Variants in PAN3 observed in about 807,000 individuals in gnomAD.
PAN3 encodes poly(A) specific ribonuclease subunit PAN3.
PAN3 carries 19 observed loss-of-function variants against 96.2 expected under a neutral mutation model. The ratio of observed to expected loss-of-function variants is 0.20; its 90% CI spans 0.14 to 0.29. The LOEUF is 0.29. PAN3 is among the 10% of genes least tolerant of loss of function. PAN3 has a pLI of 1.00. For synonymous variants in PAN3, 433 were observed against 406.6 expected (o/e 1.06, Z -0.78); for missense variants, 882 against 1,108.1 (o/e 0.80, Z 2.90).
intron 13 of PAN3, 46 bp from the exon 14 acceptor site, chr13:28,271,935 A>T (rs1886653006): frequency 1.5e-6 from 2 of 1,353,762 alleles, no homozygotes; most frequent in South Asian, 1.5e-5. Context: ...GCAATTTTTT[A>T]AAAACTTATT....
chr13:28,199,871 T>G (rs562971791), intron 5 of PAN3, among the ~76,000 whole-genome samples: 1 of 152,322 alleles, frequency 6.6e-6, no homozygotes, highest in South Asian at 2.1e-4. Flanking sequence ...TTAGGTCCTC[T>G]CAATCCTAGG....
chr13:28,160,814 CGTTA>C lies in PAN3; in HGVS notation c.431-13454_431-13451del, dbSNP rs553647631. 7.9e-5 allele frequency among the ~76,000 whole-genome samples: 12 copies of C among 152,226 alleles called. No homozygotes were observed. The South Asian group carries it at 2.5e-3, about 32-fold the overall frequency. On this transcript the variant is annotated intron_variant, in intron 1 of 18. Coordinates refer to ENST00000380958, the MANE Select transcript of PAN3 (RefSeq NM_175854.8). The stretch of plus-strand genomic sequence containing the variant: ...GGAAAGTTAAGTACTTGAACTATAT[CGTTA>C]GTTCTTTATGGAATTACCTCACTTT...
chr13:28,252,148 A>C (rs1338668385), intron 6 of PAN3, among the ~76,000 whole-genome samples: 1 of 149,794 alleles, frequency 6.7e-6, no homozygotes, highest in East Asian at 2.0e-4. Context: ...TCAGCCTCCC[A>C]AAGTGCTGGG....
intron 18 of PAN3, among the ~76,000 whole-genome samples, chr13:28,290,871 G>C (rs1869666608): frequency 6.6e-6 from 1 of 152,060 alleles, no homozygotes; most frequent in African/African-American, 2.4e-5. Context: ...CGTAGAACCA[G>C]AACAAACATT....
chr13:28,184,343 A>AT (rs1420829400), intron 4 of PAN3, among the ~76,000 whole-genome samples: 1 of 152,084 alleles, frequency 6.6e-6, no homozygotes, highest in Non-Finnish European at 1.5e-5. Flanking sequence ...GGGAGAGATT[A>AT]TTTTTTCTGT....
chr13:28,281,164 G>A, intron 16 of PAN3, 151 bp from the exon 17 acceptor site: 1 of 656,614 alleles, frequency 1.5e-6, no homozygotes, highest in Non-Finnish European at 2.7e-6. Flanking sequence ...GACATATTGT[G>A]TTTGTTTAAA....
chr13:28,268,985 A>G (rs539738145), intron 12 of PAN3, among the ~76,000 whole-genome samples: 2 of 152,346 alleles, frequency 1.3e-5, no homozygotes, highest in East Asian at 1.9e-4. Context: ...ATAGATGACT[A>G]TAGTTGTTGC....
chr13:28,187,099 G>A (rs1366343789), intron 4 of PAN3, among the ~76,000 whole-genome samples: 2 of 151,976 alleles, frequency 1.3e-5, no homozygotes, highest in Non-Finnish European at 2.9e-5. Flanking sequence ...GGCTGAGGTG[G>A]GTGGATAACT....
intron 6 of PAN3, among the ~76,000 whole-genome samples, chr13:28,227,780 G>T (rs557557925): frequency 1.3e-5 from 2 of 152,160 alleles, no homozygotes; most frequent in Non-Finnish European, 2.9e-5. Flanking sequence ...ATTTTAGAAG[G>T]CATATGGACT....
chr13:28,192,619 G>A (rs138631052), intron 4 of PAN3, among the ~76,000 whole-genome samples: 1 of 152,038 alleles, frequency 6.6e-6, no homozygotes, highest in Non-Finnish European at 1.5e-5. Flanking sequence ...ATTCATACAT[G>A]ATTACTTATG....
chr13:28,182,311 A>G (rs77227138), intron 4 of PAN3, among the ~76,000 whole-genome samples: 2,869 of 152,226 alleles, frequency 0.019, 99 homozygotes, highest in African/African-American at 0.065. Flanking sequence ...TTCTCCTTTT[A>G]TATCTTTCTG....
intron 4 of PAN3, among the ~76,000 whole-genome samples, chr13:28,178,369 G>A (rs1875321533): frequency 6.6e-6 from 1 of 151,646 alleles, no homozygotes; most frequent in Non-Finnish European, 1.5e-5. Context: ...TTTCATAATG[G>A]GCCCAACAAT....
chr13:28,166,044 C>T (rs969141820), intron 1 of PAN3, among the ~76,000 whole-genome samples: 7 of 152,176 alleles, frequency 4.6e-5, no homozygotes, highest in African/African-American at 1.2e-4. Flanking sequence ...AAATCCTTGT[C>T]TTTGTCACAT....
At chr13:28,176,407 A>G in intron 2 of PAN3, 86 bp from the exon 3 acceptor site, 1 of 1,193,584 alleles carries the variant, frequency 8.4e-7, no homozygotes, top group Non-Finnish European at 1.2e-6. Flanking sequence ...GGAGGGGAAG[A>G]AGCAAAGAGA....
intron 6 of PAN3, among the ~76,000 whole-genome samples, chr13:28,231,996 C>T (rs1024140151): frequency 4.6e-5 from 7 of 152,116 alleles, no homozygotes; most frequent in Admixed American, 2.0e-4. Flanking sequence ...TACTTTTAAT[C>T]AGTTCATGGT....
chr13:28,214,560 A>G (rs1457218536), intron 5 of PAN3: 2 of 365,722 alleles, frequency 5.5e-6, no homozygotes, highest in Admixed American at 3.4e-5. Context: ...TTGGACACAT[A>G]GATTCAAGGC....
At chr13:28,214,585 TG>T in intron 5 of PAN3, 1 of 401,336 alleles carries the variant, frequency 2.5e-6, no homozygotes. Flanking sequence ...CCACCACTAC[TG>T]GCCATCTGAT....
intron 6 of PAN3, among the ~76,000 whole-genome samples, chr13:28,226,413 T>G (rs537513526): frequency 5.7e-4 from 87 of 152,314 alleles, no homozygotes; most frequent in African/African-American, 2.1e-3. Flanking sequence ...CAAATTAGTT[T>G]TGTACTTAAT....
At chr13:28,177,735 A>G (rs1314137444) in intron 3 of PAN3, 130 bp from the exon 4 acceptor site, 5 of 704,790 alleles carry the variant, frequency 7.1e-6, no homozygotes, top group Admixed American at 2.7e-5. Flanking sequence ...TTTGAACATA[A>G]CTGTGTGTTA....
Sources: allele counts gnomAD v4.1 joint callset (sites outside exome capture counted in the v4.1 genomes callset), GRCh38; gene constraint gnomAD v4.1.1; transcripts MANE v1.5; gene names NCBI Gene and HGNC (gene_info 2026-07-23, HGNC 2026-07-21).